Variants in POMZP3 observed in about 807,000 individuals in gnomAD.
The protein encoded by POMZP3 is POM121 and ZP3 fusion, also known as POM121 and ZP3 fusion protein.
A neutral mutation model predicts 19.8 loss-of-function variants in POMZP3; 10 were observed. That is an observed-to-expected ratio of 0.51 (90% CI 0.31 to 0.86). The LOEUF (loss-of-function observed/expected upper bound fraction) is 0.86, where lower values mean the gene tolerates loss of function less well. Ranked by LOEUF, POMZP3 falls within the 40% of genes least tolerant of loss-of-function variation. POMZP3 has a pLI of 0.04. For synonymous variants in POMZP3, 57 were observed against 85.8 expected (o/e 0.66, Z 1.85); for missense variants, 152 against 228.1 (o/e 0.67, Z 2.15).
chr7:76,626,324 T>C (rs1815895552), intron 1 of POMZP3, 109 bp from the exon 2 acceptor site: 1 of 1,128,636 alleles, frequency 8.9e-7, no homozygotes, highest in African/African-American at 1.5e-5. Flanking sequence ...CTTAAGTCTC[T>C]TTCTACGCAA....
At chr7:76,620,816 T>TAATAGAC (rs1815512439) in intron 3 of POMZP3, among the ~76,000 whole-genome samples, 1 of 148,894 alleles carries the variant, frequency 6.7e-6, no homozygotes, top group Admixed American at 6.7e-5. Context: ...TTACATAAGA[T>TAATAGAC]AATTATTTGG....
chr7:76,624,923 G>T lies in POMZP3; in HGVS notation c.227+599C>A, dbSNP rs555198082. 2.8e-3 allele frequency among the ~76,000 whole-genome samples: 422 copies of T among 151,062 alleles called. 6 individuals are homozygous for T. Among genetic ancestry groups the T allele is most frequent in the African/African-American group, 9.8e-3 (406 of 41,242 alleles). ...CAAGGCGGGCAGATCACGAGGTCAG[G>T]AGTTCGAGACCATCCTGGCCAACAT... On this transcript the variant is annotated intron_variant, in intron 3 of 6. Coordinates refer to ENST00000310842, the MANE Select transcript of POMZP3 (RefSeq NM_012230.5).
At chr7:76,622,990 G>A (rs1347068017) in intron 3 of POMZP3, among the ~76,000 whole-genome samples, 2 of 151,544 alleles carry the variant, frequency 1.3e-5, no homozygotes, top group Non-Finnish European at 2.9e-5. Flanking sequence ...TCCCACCTCA[G>A]CCTCTGGAGC....
chr7:76,623,003 G>A (rs1175350845), intron 3 of POMZP3, among the ~76,000 whole-genome samples: 1 of 151,576 alleles, frequency 6.6e-6, no homozygotes, highest in Non-Finnish European at 1.5e-5. Flanking sequence ...TCTGGAGCTG[G>A]GAATACAGGC....
chr7:76,616,845 G>C lies in POMZP3; in HGVS notation c.345+1338C>G, dbSNP rs1815308704. Among the ~76,000 whole-genome samples, 3 of 90,344 alleles carry C rather than the reference G, an allele frequency of 3.3e-5. 1 individual carries two copies. In the South Asian group the frequency reaches 1.2e-3, roughly 36 times the overall value. The allele number at this position is 90,344 out of a possible 152,430, so 59.3% of individuals were successfully genotyped here. ...CATTCCAGCCTGGACTGCAGAGCGA[G>C]ACTCCAACTCAAAAAATAAAAGCTA... On this transcript the variant is annotated intron_variant, in intron 4 of 6. Transcript: ENST00000310842.
chr7:76,620,564 T>G (rs1007462844), intron 3 of POMZP3, among the ~76,000 whole-genome samples: 1 of 151,470 alleles, frequency 6.6e-6, no homozygotes, highest in Non-Finnish European at 1.5e-5. Context: ...ACCTCCCATA[T>G]TCAAGTGATT....
chr7:76,615,690 T>C lies in POMZP3; in HGVS notation c.345+2493A>G, dbSNP rs1410431278. Reference sequence around the variant, plus strand: ...TAGGTCAGTAGATGGAGGATAACAGTAAAATGCTAGCAGGCCGGGTACAGT... The same window carrying C: ...TAGGTCAGTAGATGGAGGATAACAGCAAAATGCTAGCAGGCCGGGTACAGT... On this transcript the variant is annotated intron_variant, in intron 4 of 6. Transcript: ENST00000310842. 2 of 83,034 alleles carry C rather than the reference T, an allele frequency of 2.4e-5. 1 individual carries two copies. The highest frequency in any genetic ancestry group is 4.7e-5 in the Non-Finnish European group (2 of 42,560). The allele number at this position is 83,034 out of a possible 1,614,324, so 5.1% of individuals were successfully genotyped here. A position where few individuals can be genotyped will look rare whatever the true frequency, so the allele number is the denominator to read the frequency against.
chr7:76,626,246 CAAAGTATA>C (rs1282792448), intron 1 of POMZP3, 31 bp from the exon 2 acceptor site: 1 of 1,515,814 alleles, frequency 6.6e-7, no homozygotes, highest in Non-Finnish European at 8.9e-7. Context: ...ATCATGGAAA[CAAAGTATA>C]AAAGAATGTC....
chr7:76,616,349 A>G (rs1266169844), intron 4 of POMZP3, among the ~76,000 whole-genome samples: 1 of 104,526 alleles, frequency 9.6e-6, no homozygotes, highest in Non-Finnish European at 2.1e-5. Flanking sequence ...ATAGAGTTTT[A>G]CAGCAAACAC....
chr7:76,619,230 A>G (rs1050550745), intron 3 of POMZP3, among the ~76,000 whole-genome samples: 1 of 152,156 alleles, frequency 6.6e-6, no homozygotes, highest in Non-Finnish European at 1.5e-5. Flanking sequence ...TCCACTAAAA[A>G]TACAAAAATT....
In POMZP3 at chr7:76,626,337, C is replaced by G. The variant is rs1365785304; in HGVS notation, c.-151-122G>C. On this transcript the variant is annotated intron_variant, in intron 1 of 6. Transcript: ENST00000310842. Reference sequence around the variant, plus strand: ...AACTTAAGTCTCTTTCTACGCAACACAGAACACGTTGTTTTTATGGCAACT... The same window carrying G: ...AACTTAAGTCTCTTTCTACGCAACAGAGAACACGTTGTTTTTATGGCAACT... 3.6e-5 allele frequency: 36 copies of G among 999,768 alleles called. No individual in the cohort carries two copies. The Middle Eastern group carries it at 6.5e-4, about 18-fold the overall frequency. 61.9% of individuals were successfully genotyped at this position (999,768 alleles called of 1,614,324 possible).
At position 76,626,867 on chromosome 7, in the gene POMZP3, G is replaced by T. The variant is rs1197515145; in HGVS notation, c.-311C>A. ...CGCAGGTCCTGGCCCTCCGGAGCGGGGGCGGGCTGCGGCGGCCCGGGCTTG... is the reference window on the plus strand; with the variant it reads ...CGCAGGTCCTGGCCCTCCGGAGCGGTGGCGGGCTGCGGCGGCCCGGGCTTG... On this transcript the variant is annotated 5_prime_UTR_variant, in exon 1 of 7. Coordinates refer to ENST00000310842, the MANE Select transcript of POMZP3 (RefSeq NM_012230.5). The T allele has an allele frequency of 6.4e-6, 9 of 1,401,968 alleles. No homozygotes were observed. Among genetic ancestry groups the T allele is most frequent in the Non-Finnish European group, 7.4e-6 (8 of 1,087,714 alleles). The allele number at this position is 1,401,968 out of a possible 1,614,324, so 86.8% of individuals were successfully genotyped here.
rs1815938639 is a variant in POMZP3, at chr7:76,626,902, C to A, written c.-346G>T. 7.2e-6 allele frequency: 10 copies of A among 1,389,164 alleles called. No individual in the cohort carries two copies. The highest frequency in any genetic ancestry group is 9.3e-6 in the Non-Finnish European group (10 of 1,076,206). 86.1% of individuals were successfully genotyped at this position (1,389,164 alleles called of 1,614,324 possible). On this transcript the variant is annotated 5_prime_UTR_variant, in exon 1 of 7. Coordinates refer to ENST00000310842, the MANE Select transcript of POMZP3 (RefSeq NM_012230.5). ...CGGCGGCCCGGGCTTGCCCAGGTAA[C>A]TGCCCATGAGGAGCAGTTCGGCAGG...
At position 76,614,702 on chromosome 7, in the gene POMZP3, A is replaced by G. The variant is rs1479794174; in HGVS notation, c.346-2889T>C. ...TAGTGAAACCCCATCTCTACTAAAT[A>G]TTCAAAAATTAGCCAGGCATGGTGA... is the stretch of plus-strand genomic sequence containing the variant. On this transcript the variant is annotated intron_variant, in intron 4 of 6. Transcript: ENST00000310842. 8.2e-5 allele frequency among the ~76,000 whole-genome samples: 7 copies of G among 85,356 alleles called. 3 individuals are homozygous for G. The highest frequency in any genetic ancestry group is 1.6e-4 in the Non-Finnish European group (7 of 42,946). The allele number at this position is 85,356 out of a possible 152,430, so 56.0% of individuals were successfully genotyped here. A position where few individuals can be genotyped will look rare whatever the true frequency, so the allele number is the denominator to read the frequency against.
chr7:76,620,417 C>CT (rs1815489799), intron 3 of POMZP3, among the ~76,000 whole-genome samples: 1 of 142,678 alleles, frequency 7.0e-6, no homozygotes, highest in African/African-American at 2.7e-5. Context: ...GAACGGTGAG[C>CT]ACACGTACCT....
intron 3 of POMZP3, among the ~76,000 whole-genome samples, chr7:76,621,972 T>TAAAC (rs1234153898): frequency 8.4e-6 from 1 of 118,396 alleles, no homozygotes; most frequent in Admixed American, 8.7e-5. Flanking sequence ...AATAAATAAA[T>TAAAC]AAAACAGGTT....
chr7:76,621,660 G>T (rs1815565179), intron 3 of POMZP3, among the ~76,000 whole-genome samples: 1 of 151,800 alleles, frequency 6.6e-6, no homozygotes, highest in South Asian at 2.1e-4. Flanking sequence ...TGCAGTGATG[G>T]CCGGGCGCGG....
intron 3 of POMZP3, among the ~76,000 whole-genome samples, chr7:76,619,842 GA>G (rs1815455379): frequency 1.9e-5 from 2 of 104,292 alleles, no homozygotes; most frequent in South Asian, 7.0e-4. Context: ...GACAAGACAA[GA>G]CCCCATCTCT....
chr7:76,614,052 C>G (rs1815207950), intron 4 of POMZP3, among the ~76,000 whole-genome samples: 1 of 93,196 alleles, frequency 1.1e-5, no homozygotes, highest in Non-Finnish European at 2.3e-5. Flanking sequence ...CATGTAAATT[C>G]AGACTTTTAG....
Sources: gnomAD v4.1 joint callset for allele counts (sites outside exome capture counted in the v4.1 genomes callset) on GRCh38, gnomAD v4.1.1 for gene constraint, MANE v1.5 for transcripts, NCBI Gene and HGNC (gene_info 2026-07-23, HGNC 2026-07-21) for gene names.